The following SI variants were observed in gnomAD, a reference collection of about 807,000 sequenced individuals.
SI encodes the protein sucrase-isomaltase, intestinal.
SI carries 235 observed loss-of-function variants against 253.3 expected under a neutral mutation model. That is an observed-to-expected ratio of 0.93 (90% CI 0.83 to 1.03). The LOEUF (loss-of-function observed/expected upper bound fraction) is 1.03. SI is among the 50% of genes least tolerant of loss of function. The pLI, the probability that SI is intolerant of heterozygous loss-of-function variation, is 0.00. For synonymous variants in SI, 819 were observed against 712.0 expected (o/e 1.15, Z -2.39); for missense variants, 2,442 against 2,211.1 (o/e 1.10, Z -2.09).
intron 43 of SI, 47 bp from the exon 44 acceptor site, chr3:164,991,524 TCATCAG>T: frequency 6.2e-7 from 1 of 1,604,610 alleles, no homozygotes; most frequent in Non-Finnish European, 8.5e-7. Flanking sequence ...AGAAATGGAA[TCATCAG>T]CAACACTGGT....
rs567730419 is a variant in SI at position 165,070,603 on chromosome 3, A to G, written c.256-1408T>C. On this transcript the variant is annotated intron_variant, in intron 3 of 47. Coordinates refer to ENST00000264382, the MANE Select transcript of SI (RefSeq NM_001041.4). ...ACAGCAGTCTCTATGAAAGATTTGT[A>G]TATAAAACTCTAAATACATTTATAT... Among the ~76,000 whole-genome samples, 5 of 152,022 alleles carry G rather than the reference A, an allele frequency of 3.3e-5. No individual in the cohort carries two copies. In the South Asian group the frequency reaches 1.0e-3, roughly 31 times the overall value.
At chr3:165,055,171 A>G (rs1372617511) in intron 13 of SI, 23 bp downstream of exon 13, 4 of 1,390,510 alleles carry the variant, frequency 2.9e-6, no homozygotes, top group Non-Finnish European at 4.1e-6. Flanking sequence ...GACCAAAACC[A>G]TTGGTTTAAA....
At chr3:165,011,756 GTTATTATTTATTTATTATTTATTA>G (rs1320768296) in intron 34 of SI, among the ~76,000 whole-genome samples, 1 of 147,264 alleles carries the variant, frequency 6.8e-6, no homozygotes, top group African/African-American at 2.5e-5. Flanking sequence ...ATTCATTATT[GTTATTATTTATTTATTATTTATTA>G]TTATTATTTA....
At chr3:165,070,293 AATT>A (rs1714485561) in intron 3 of SI, among the ~76,000 whole-genome samples, 2 of 90,250 alleles carry the variant, frequency 2.2e-5, no homozygotes, top group Admixed American at 2.7e-4. Flanking sequence ...ATACATATAT[AATT>A]ATATATGTAT....
chr3:165,088,386 T>C, the SI span, among the ~76,000 whole-genome samples: 1 of 150,786 alleles, frequency 6.6e-6, no homozygotes, highest in East Asian at 2.0e-4. Context: ...GGCTCACACC[T>C]GGAATCCCAG....
intron 13 of SI, among the ~76,000 whole-genome samples, chr3:165,052,041 C>T (rs1576911033): frequency 6.6e-6 from 1 of 151,982 alleles, no homozygotes; most frequent in Middle Eastern, 3.5e-3. Flanking sequence ...CCATATTTTA[C>T]ATAATACATG....
intron 25 of SI, among the ~76,000 whole-genome samples, chr3:165,029,820 TAAGAG>T (rs1411941939): frequency 6.7e-6 from 1 of 150,338 alleles, no homozygotes; most frequent in Non-Finnish European, 1.5e-5. Flanking sequence ...AGAGGCAACT[TAAGAG>T]AAGGTTTAGA....
intron 35 of SI, among the ~76,000 whole-genome samples, chr3:165,008,869 T>C (rs934712323): frequency 4.0e-5 from 6 of 151,850 alleles, no homozygotes; most frequent in Non-Finnish European, 8.8e-5. Context: ...AAAATCTTAC[T>C]ACTAACATTT....
At chr3:165,028,372 A>G (rs1249826579) in intron 25 of SI, among the ~76,000 whole-genome samples, 2 of 151,484 alleles carry the variant, frequency 1.3e-5, no homozygotes, top group African/African-American at 4.8e-5. Context: ...TGCCAAAACA[A>G]TATACAGATT....
chr3:165,062,058 T>A (rs1299225020), intron 9 of SI, among the ~76,000 whole-genome samples: 1 of 152,040 alleles, frequency 6.6e-6, no homozygotes, highest in East Asian at 1.9e-4. Flanking sequence ...TTCCTTTTGC[T>A]TTATTCCATC....
intron 27 of SI, 65 bp downstream of exon 27, chr3:165,021,164 T>A: frequency 7.0e-7 from 1 of 1,435,326 alleles, no homozygotes. Flanking sequence ...CTGTTAATCA[T>A]TTTACTTTTC....
At position 165,017,861 on chromosome 3, in the gene SI, T is replaced by C. The variant is rs757241609; in HGVS notation, c.3533A>G (p.Gln1178Arg). 9 of 1,612,556 alleles carry C rather than the reference T, an allele frequency of 5.6e-6. No individual in the cohort carries two copies. The East Asian group carries it at 2.0e-4, about 36-fold the overall frequency. ...ACGGTAAGTTAGAGCAGGAGTTGGCTGGAATGTAACATCTGGAAATCCAAA... is the reference window on the plus strand; with the variant it reads ...ACGGTAAGTTAGAGCAGGAGTTGGCCGGAATGTAACATCTGGAAATCCAAA... ...LNSNAMDVTF[Q>R]PTPALTYRTV... Residue 1178 changes from glutamine (Q) to arginine (R), a missense_variant, in exon 30 of 48, where the codon CAG becomes CGG. Transcript: ENST00000264382.
the SI span, among the ~76,000 whole-genome samples, chr3:165,087,616 C>T: frequency 2.0e-5 from 3 of 152,102 alleles, no homozygotes; most frequent in Admixed American, 6.6e-5. Context: ...TAGAGTGACA[C>T]GACATTCCAC....
intron 19 of SI, among the ~76,000 whole-genome samples, chr3:165,039,352 A>G (rs1178877189): frequency 1.3e-5 from 2 of 152,124 alleles, no homozygotes; most frequent in African/African-American, 4.8e-5. Flanking sequence ...AAAGTAATTT[A>G]GATAGCAATT....
intron 44 of SI, among the ~76,000 whole-genome samples, chr3:164,990,563 G>A (rs1312730568): frequency 6.6e-6 from 1 of 152,122 alleles, no homozygotes; most frequent in African/African-American, 2.4e-5. Flanking sequence ...TTTCAGGGAT[G>A]TTTTAAAAAT....
At chr3:165,070,364 A>ATATG (rs1553778791) in intron 3 of SI, among the ~76,000 whole-genome samples, 2 of 139,724 alleles carry the variant, frequency 1.4e-5, no homozygotes, top group African/African-American at 5.3e-5. Context: ...ATATATATAT[A>ATATG]TGTGTGTGTG....
intron 12 of SI, among the ~76,000 whole-genome samples, chr3:165,058,722 T>G (rs1221304016): frequency 2.6e-5 from 4 of 151,950 alleles, no homozygotes; most frequent in African/African-American, 9.7e-5. Context: ...GATTAAACCA[T>G]GAAGAAATTT....
intron 19 of SI, 41 bp downstream of exon 19, chr3:165,039,846 C>T: frequency 7.3e-7 from 1 of 1,365,048 alleles, no homozygotes; most frequent in South Asian, 1.2e-5. Context: ...TTTAGTTATA[C>T]AAAGTTCAAA....
intron 13 of SI, 70 bp downstream of exon 13, chr3:165,055,123 CT>C: frequency 4.5e-6 from 4 of 897,460 alleles, no homozygotes; most frequent in South Asian, 4.1e-5. Context: ...ATTTTGTTGA[CT>C]TAGTAATTTT....
Sources: gnomAD v4.1 joint callset for allele counts (sites outside exome capture counted in the v4.1 genomes callset) on GRCh38, gnomAD v4.1.1 for gene constraint, MANE v1.5 for transcripts, NCBI Gene and HGNC (gene_info 2026-07-23, HGNC 2026-07-21) for gene names.